The following KALRN variants were observed in gnomAD, a reference collection of about 807,000 sequenced individuals.
The protein encoded by KALRN is kalirin RhoGEF kinase.
Under a neutral mutation model 353.7 loss-of-function variants are expected in KALRN, and 70 were observed. That is an observed-to-expected ratio of 0.20 (90% CI 0.16 to 0.24). KALRN has a LOEUF of 0.24. Among genes scored for constraint, KALRN ranks in the 10% least tolerant of loss-of-function variants. The pLI, the probability that KALRN is intolerant of heterozygous loss-of-function variation, is 1.00. For missense variants in KALRN, 2,791 were observed against 3,756.7 expected, an observed-to-expected ratio of 0.74 and a Z score of 6.72; for synonymous variants, 1,391 against 1,434.8, an observed-to-expected ratio of 0.97 and a Z score of 0.69.
At position 124,456,648 on chromosome 3, in the gene KALRN, C is replaced by G. The variant is rs1014023160; in HGVS notation, c.3774C>G (p.Ser1258Arg). Residue 1258 changes from serine (S) to arginine (R), a missense_variant, in exon 23 of 60, where the codon AGC becomes AGG. Physicochemically the swap from Ser to Arg is moderately radical, Grantham distance 110. Around this residue, in one of 11 missense-constraint regions of KALRN, gnomAD observed 268 missense variants for 347.0 expected, o/e 0.77. Coordinates refer to ENST00000682506, the MANE Select transcript of KALRN (RefSeq NM_001388419.1). Reference sequence around the variant, plus strand: ...TGGAGCTGGATATTATCCCAGCAAGCCTTTCGGATCGGGAGGTCAAGCTGC... The same window carrying G: ...TGGAGCTGGATATTATCCCAGCAAGGCTTTCGGATCGGGAGGTCAAGCTGC... ...KDLELDIIPA[S>R]LSDREVKLRD... The G allele has an allele frequency of 2.5e-6, 4 of 1,613,108 alleles. No homozygotes were observed. Among genetic ancestry groups the G allele is most frequent in the Admixed American group, 1.7e-5 (1 of 59,974 alleles).
At chr3:124,576,170 C>T (rs2074072998) in intron 34 of KALRN, among the ~76,000 whole-genome samples, 1 of 151,856 alleles carries the variant, frequency 6.6e-6, no homozygotes, top group South Asian at 2.1e-4. Flanking sequence ...CTCCCACCCT[C>T]TCCCATCACA....
chr3:124,175,915 G>A (rs2072670147), intron 1 of KALRN, among the ~76,000 whole-genome samples: 2 of 152,122 alleles, frequency 1.3e-5, no homozygotes, highest in South Asian at 4.2e-4. Context: ...ATTAAACTCA[G>A]CCTCTCCTTC....
At chr3:124,228,133 T>C (rs1267345709) in intron 2 of KALRN, 69 bp downstream of exon 2, 1 of 1,247,470 alleles carries the variant, frequency 8.0e-7, no homozygotes, top group African/African-American at 1.5e-5. Flanking sequence ...TGTGTTCAGA[T>C]TCACTTGTGT....
At chr3:124,056,388 C>A (rs1383827166) in intron 1 of KALRN, among the ~76,000 whole-genome samples, 1 of 152,082 alleles carries the variant, frequency 6.6e-6, no homozygotes, top group Non-Finnish European at 1.5e-5. Context: ...GGGTATGTCC[C>A]CAGCCTGGAG....
chr3:124,235,001 T>C, intron 3 of KALRN, 58 bp downstream of exon 3: 1 of 1,257,464 alleles, frequency 8.0e-7, no homozygotes, highest in Non-Finnish European at 1.1e-6. Context: ...CTGATGCCAG[T>C]TTTGGAAGGA....
chr3:124,259,984 C>A (rs2072611869), intron 3 of KALRN, among the ~76,000 whole-genome samples: 1 of 152,142 alleles, frequency 6.6e-6, no homozygotes, highest in African/African-American at 2.4e-5. Flanking sequence ...CTGTCTGAAT[C>A]ACCTGATCAT....
chr3:124,135,860 G>A (rs916418485), intron 1 of KALRN, among the ~76,000 whole-genome samples: 1 of 152,078 alleles, frequency 6.6e-6, no homozygotes, highest in Admixed American at 6.5e-5. Context: ...GATGAACACT[G>A]GGCATCTGCT....
At chr3:124,142,176 T>C (rs1346422399) in intron 1 of KALRN, among the ~76,000 whole-genome samples, 2 of 152,178 alleles carry the variant, frequency 1.3e-5, no homozygotes, top group African/African-American at 4.8e-5. Context: ...GTCAGAGACA[T>C]AGGGCTAAGC....
chr3:124,633,733 A>C, intron 35 of KALRN, 119 bp from the exon 36 acceptor site: 8 of 783,856 alleles, frequency 1.0e-5, no homozygotes, highest in Non-Finnish European at 1.7e-5. Flanking sequence ...GCGACTGAAC[A>C]GTTAAGAGTG....
chr3:124,417,484 CGTTAA>C (rs2092570866), intron 14 of KALRN, among the ~76,000 whole-genome samples: 1 of 152,164 alleles, frequency 6.6e-6, no homozygotes, highest in South Asian at 2.1e-4. Context: ...TTACACAACG[CGTTAA>C]GTTCTCTCTT....
In KALRN at chr3:124,394,917, C is replaced by G. The variant is rs146576516; in HGVS notation, c.1963-218C>G. ...CAGGGAAGTTAAGCCAGGGGTGATT[C>G]CTGTCTTTAGGGACTGTCAACACCA... On this transcript the variant is annotated intron_variant, in intron 11 of 59. Transcript: ENST00000682506. 1.4e-4 allele frequency among the ~76,000 whole-genome samples: 22 copies of G among 152,214 alleles called. No individual in the cohort carries two copies. The East Asian group carries it at 3.5e-3, about 24-fold the overall frequency.
chr3:124,623,614 G>GT (rs551680264), intron 34 of KALRN, among the ~76,000 whole-genome samples: 1 of 152,056 alleles, frequency 6.6e-6, no homozygotes, highest in African/African-American at 2.4e-5. Flanking sequence ...GTCTTTTCAC[G>GT]TTTTATCTGC....
chr3:124,360,754 T>G (rs2083945447), intron 10 of KALRN, among the ~76,000 whole-genome samples: 1 of 152,218 alleles, frequency 6.6e-6, no homozygotes, highest in Non-Finnish European at 1.5e-5. Flanking sequence ...CAACTTCCTT[T>G]CTCTTCTCCC....
At chr3:124,277,176 C>T (rs1444091404) in intron 5 of KALRN, among the ~76,000 whole-genome samples, 1 of 152,222 alleles carries the variant, frequency 6.6e-6, no homozygotes, top group African/African-American at 2.4e-5. Context: ...CGTGTCATGT[C>T]TCTGTGTGGT....
chr3:124,255,591 C>A (rs768115076), intron 3 of KALRN, among the ~76,000 whole-genome samples: 1 of 152,152 alleles, frequency 6.6e-6, no homozygotes, highest in Admixed American at 6.5e-5. Context: ...CCTTTTGAAG[C>A]CGTATGAATC....
At chr3:124,183,552 G>C (rs1262531639) in intron 1 of KALRN, among the ~76,000 whole-genome samples, 2 of 152,168 alleles carry the variant, frequency 1.3e-5, no homozygotes, top group Non-Finnish European at 2.9e-5. Context: ...TTCAACATAA[G>C]ATTTGGGTGG....
chr3:124,638,407 G>T (rs2081614512), intron 37 of KALRN, among the ~76,000 whole-genome samples: 1 of 150,548 alleles, frequency 6.6e-6, no homozygotes, highest in Non-Finnish European at 1.5e-5. Flanking sequence ...CTATTTTCCT[G>T]CCATCTTTCC....
At chr3:124,283,932 G>T (rs1226154444) in intron 5 of KALRN, among the ~76,000 whole-genome samples, 1 of 152,188 alleles carries the variant, frequency 6.6e-6, no homozygotes, top group Non-Finnish European at 1.5e-5. Context: ...GAAGTGGAAA[G>T]AGACTAGCAT....
intron 1 of KALRN, among the ~76,000 whole-genome samples, chr3:124,117,486 G>A (rs563706453): frequency 6.6e-6 from 1 of 152,286 alleles, no homozygotes; most frequent in African/African-American, 2.4e-5. Flanking sequence ...TCTGACCCTT[G>A]TAGTGCTTTG....
Sources: allele counts gnomAD v4.1 joint callset (sites outside exome capture counted in the v4.1 genomes callset), GRCh38; gene constraint gnomAD v4.1.1; regional missense constraint gnomAD v4.1.1; transcripts MANE v1.5; gene names NCBI Gene and HGNC (gene_info 2026-07-23, HGNC 2026-07-21).